LRP5: variants seen among roughly 807,000 people sequenced by gnomAD.
LRP5 encodes low-density lipoprotein receptor-related protein 5.
Under a neutral mutation model 154.1 loss-of-function variants are expected in LRP5, and 62 were observed. The ratio of observed to expected loss-of-function variants is 0.40; its 90% CI spans 0.33 to 0.50. The LOEUF is 0.50. LRP5 is among the 20% of genes least tolerant of loss of function. The pLI is 0.55. For synonymous variants in LRP5, 966 were observed against 1,011.5 expected, an observed-to-expected ratio of 0.96 and a Z score of 0.85; for missense variants, 1,915 against 2,336.7, an observed-to-expected ratio of 0.82 and a Z score of 3.72.
intron 14 of LRP5, 125 bp from the exon 15 acceptor site, chr11:68,424,977 C>T: frequency 1.4e-6 from 1 of 735,314 alleles, no homozygotes; most frequent in Admixed American, 2.1e-5. Flanking sequence ...TAGAATGTGA[C>T]CTGTCAGCCT....
intron 4 of LRP5, among the ~76,000 whole-genome samples, chr11:68,364,355 T>C (rs1179413846): frequency 7.4e-6 from 1 of 135,566 alleles, no homozygotes; most frequent in Non-Finnish European, 1.6e-5. Flanking sequence ...TATATACATA[T>C]ATATGTGTGT....
intron 21 of LRP5, among the ~76,000 whole-genome samples, chr11:68,442,599 C>T (rs1038070704): frequency 2.0e-5 from 3 of 152,116 alleles, no homozygotes; most frequent in Non-Finnish European, 1.5e-5. Context: ...TTCGTAAGCC[C>T]GAAAGATAGC....
At chr11:68,419,359 A>G (rs888538475) in intron 13 of LRP5, among the ~76,000 whole-genome samples, 1 of 146,606 alleles carries the variant, frequency 6.8e-6, no homozygotes, top group Non-Finnish European at 1.5e-5. Context: ...CAGCCTCTCT[A>G]GTAGCCGGGA....
chr11:68,425,064 A>G, intron 14 of LRP5, 38 bp from the exon 15 acceptor site: 1 of 1,597,710 alleles, frequency 6.3e-7, no homozygotes, highest in Non-Finnish European at 8.6e-7. Flanking sequence ...AGGAGACGCC[A>G]TCCCCACACC....
chr11:68,404,050 G>C (rs78855542), intron 8 of LRP5: 1 of 447,420 alleles, frequency 2.2e-6, no homozygotes, highest in African/African-American at 2.0e-5. Context: ...ACGCAGAGCC[G>C]TGCAACTCAC....
At chr11:68,300,557 G>A in the LRP5 span, among the ~76,000 whole-genome samples, 5 of 149,596 alleles carry the variant, frequency 3.3e-5, 1 homozygote, top group Admixed American at 2.7e-4. Context: ...TGTGGCCCAG[G>A]GGATATGCCC....
In LRP5 at chr11:68,416,387, G is replaced by A. The variant is rs780945547; in HGVS notation, c.2887G>A (p.Asp963Asn). ...KSAISRMIPD[D>N]QHSPDLILPL... ...TGCCATCAGTCGGATGATCCCGGACGACCAGCACAGCCCGGATCTCATCCT... is the reference window on the plus strand; with the variant it reads ...TGCCATCAGTCGGATGATCCCGGACAACCAGCACAGCCCGGATCTCATCCT... The change falls in exon 13 of 23, where the codon GAC becomes AAC. Residue 963 changes from aspartate to asparagine, a missense_variant. Around this residue, in one of 3 missense-constraint regions of LRP5, gnomAD observed 1,094 missense variants for 1,210.1 expected, o/e 0.90. Coordinates refer to ENST00000294304, the MANE Select transcript of LRP5 (RefSeq NM_002335.4). 3.0e-5 allele frequency: 49 copies of A among 1,614,020 alleles called. 1 individual carries two copies. In the South Asian group the frequency reaches 4.8e-4, roughly 16 times the overall value.
intron 1 of LRP5, among the ~76,000 whole-genome samples, chr11:68,326,624 G>C (rs1296103197): frequency 6.6e-6 from 1 of 152,260 alleles, no homozygotes; most frequent in East Asian, 1.9e-4. Context: ...GGGCCAGATG[G>C]GGCCTCTGAA....
intron 17 of LRP5, among the ~76,000 whole-genome samples, chr11:68,431,424 G>C (rs1204362655): frequency 6.6e-6 from 1 of 151,910 alleles, no homozygotes; most frequent in East Asian, 1.9e-4. Flanking sequence ...ATTTTCAGTA[G>C]AGATGGTGTT....
intron 13 of LRP5, among the ~76,000 whole-genome samples, chr11:68,419,683 C>T (rs902552979): frequency 1.3e-5 from 2 of 151,776 alleles, no homozygotes; most frequent in East Asian, 3.9e-4. Flanking sequence ...GCTGGGATTA[C>T]AGGTGCCCAT....
At chr11:68,346,518 G>T (rs1352731884) in intron 1 of LRP5, among the ~76,000 whole-genome samples, 1 of 152,208 alleles carries the variant, frequency 6.6e-6, no homozygotes, top group Non-Finnish European at 1.5e-5. Context: ...TCTTTCCCCT[G>T]CTGAAATGAA....
chr11:68,423,223 C>T lies in LRP5; in HGVS notation c.3028-266C>T, dbSNP rs1231181827. 2.0e-5 allele frequency among the ~76,000 whole-genome samples: 3 copies of T among 152,226 alleles called. No homozygotes were observed. The highest frequency in any genetic ancestry group is 4.4e-5 in the Non-Finnish European group (3 of 68,036). ...TCCAGAGGCTGTTGTCCTAATCGCT[C>T]TGGCATACTCAGGCGGGCACGTAGT... On this transcript the variant is annotated intron_variant, in intron 13 of 22. Transcript: ENST00000294304. This position sits in a 1 kb window ranked among gnomAD's most constrained non-coding sequence, Gnocchi z 4.7.
chr11:68,393,214 G>T (rs371157270), intron 7 of LRP5, among the ~76,000 whole-genome samples: 1 of 152,092 alleles, frequency 6.6e-6, no homozygotes, highest in East Asian at 1.9e-4. Context: ...TTGTTTGTCT[G>T]TTTATCGGGT....
rs763941232 is a variant in LRP5, at chr11:68,312,693, GC to G, written c.-19del. On this transcript the variant is annotated 5_prime_UTR_variant, in exon 1 of 23. Transcript: ENST00000294304. ...TGGAGCCCGAGTGAGCGCGGCGCGG[GC>G]CCGTCCGGCCGCCGGACAACATGGA... is the stretch of plus-strand genomic sequence containing the variant. 8,464 of 993,782 alleles carry G rather than the reference GC, an allele frequency of 8.5e-3. 45 individuals carry two copies. The highest frequency in any genetic ancestry group is 9.4e-3 in the Non-Finnish European group (7,832 of 833,594). 61.6% of individuals were successfully genotyped at this position (993,782 alleles called of 1,614,324 possible). A position where few individuals can be genotyped will look rare whatever the true frequency, so the allele number is the denominator to read the frequency against.
At chr11:68,309,867 C>T (rs567629370), upstream of LRP5, among the ~76,000 whole-genome samples, 145 of 152,330 alleles carry the variant, frequency 9.5e-4, no homozygotes, top group African/African-American at 3.5e-3. Context: ...CCACAGGGGC[C>T]TCTTTCCTCC....
chr11:68,330,910 C>T (rs1259665484), intron 1 of LRP5, among the ~76,000 whole-genome samples: 1 of 152,232 alleles, frequency 6.6e-6, no homozygotes, highest in East Asian at 1.9e-4. Flanking sequence ...ATTCAGGGCG[C>T]CTCTGACCGT....
At chr11:68,356,658 C>G (rs1010775648) in intron 2 of LRP5, among the ~76,000 whole-genome samples, 10 of 152,168 alleles carry the variant, frequency 6.6e-5, no homozygotes, top group Non-Finnish European at 8.8e-5. Flanking sequence ...AGGGTTCGCC[C>G]TTGATTTGTA....
chr11:68,347,121 C>T (rs1202000056), intron 1 of LRP5, among the ~76,000 whole-genome samples: 1 of 152,148 alleles, frequency 6.6e-6, no homozygotes, highest in Non-Finnish European at 1.5e-5. Context: ...GAGGCCAAGG[C>T]CTTGGAGGCC....
chr11:68,405,718 T>G (rs1197125944), intron 8 of LRP5, among the ~76,000 whole-genome samples: 2 of 152,256 alleles, frequency 1.3e-5, no homozygotes, highest in Non-Finnish European at 2.9e-5. Flanking sequence ...AAGCCAATTT[T>G]AACAGCACTT....
Sources: allele counts gnomAD v4.1 joint callset (sites outside exome capture counted in the v4.1 genomes callset), GRCh38; gene constraint gnomAD v4.1.1; regional missense constraint gnomAD v4.1.1; non-coding constraint Gnocchi (gnomAD v3.1); transcripts MANE v1.5; gene names NCBI Gene and HGNC (gene_info 2026-07-23, HGNC 2026-07-21).